PDE4D: variants seen among roughly 807,000 people sequenced by gnomAD.
The protein encoded by PDE4D is 3',5'-cyclic-AMP phosphodiesterase 4D.
A neutral mutation model predicts 87.4 loss-of-function variants in PDE4D; 24 were observed. That is an observed-to-expected ratio of 0.27 (90% CI 0.20 to 0.39). PDE4D has a LOEUF of 0.39. PDE4D is among the 10% of genes least tolerant of loss of function. The probability of loss-of-function intolerance (pLI) is 1.00; values close to 1 mark genes in which losing one functional copy is unlikely to be tolerated. For missense variants in PDE4D, 714 were observed against 1,041.0 expected (o/e 0.69, Z 4.32); for synonymous variants, 384 against 383.2 (o/e 1.00, Z -0.02).
rs552965229 is a variant in PDE4D, at chr5:59,175,148, C to A, written c.808+5447G>T. 4.7e-4 allele frequency among the ~76,000 whole-genome samples: 71 copies of A among 152,298 alleles called. 1 individual carries two copies. The highest frequency in any genetic ancestry group is 6.8e-3 in the Middle Eastern group (2 of 294). ...TGTCCCAGTGCAGGTATGGCTTGGG[C>A]ATCTCTGACTCTTTGCCACCCTCTC... On this transcript the variant is annotated intron_variant, in intron 5 of 14. Coordinates refer to ENST00000340635, the MANE Select transcript of PDE4D (RefSeq NM_001104631.2).
At chr5:60,067,580 T>C (rs933862591) in intron 2 of PDE4D, among the ~76,000 whole-genome samples, 4 of 152,162 alleles carry the variant, frequency 2.6e-5, no homozygotes, top group Non-Finnish European at 5.9e-5. Context: ...AACACAAAAC[T>C]ACTTTCTTAA....
chr5:59,278,179 G>A (rs908533861), intron 1 of PDE4D, among the ~76,000 whole-genome samples: 2 of 152,050 alleles, frequency 1.3e-5, no homozygotes, highest in South Asian at 4.1e-4. Context: ...TTATCCACTT[G>A]TAAGACCATT....
chr5:60,205,731 C>CA (rs34124472), intron 1 of PDE4D, among the ~76,000 whole-genome samples: 78 of 146,440 alleles, frequency 5.3e-4, no homozygotes, highest in East Asian at 1.2e-3. Flanking sequence ...ACTAAAAGTA[C>CA]AAAAAAAAAA....
chr5:59,146,569 A>ATT (rs35653778), intron 5 of PDE4D, among the ~76,000 whole-genome samples: 3,751 of 147,276 alleles, frequency 0.025, 140 homozygotes, highest in African/African-American at 0.077. Context: ...AAGTGGTCTG[A>ATT]TTTTTTTTTT....
intron 2 of PDE4D, among the ~76,000 whole-genome samples, chr5:59,204,115 A>C (rs1475865432): frequency 1.3e-5 from 2 of 152,174 alleles, no homozygotes; most frequent in African/African-American, 4.8e-5. Flanking sequence ...CCTTGTATAT[A>C]ATAAATGCAT....
chr5:60,293,652 A>C (rs1753121682), intron 1 of PDE4D, among the ~76,000 whole-genome samples: 1 of 152,010 alleles, frequency 6.6e-6, no homozygotes, highest in African/African-American at 2.4e-5. Flanking sequence ...TTTCTAACCT[A>C]AGTTTTGTTC....
intron 2 of PDE4D, among the ~76,000 whole-genome samples, chr5:60,099,050 A>G (rs1388273656): frequency 6.6e-6 from 1 of 151,922 alleles, no homozygotes; most frequent in East Asian, 1.9e-4. Flanking sequence ...CTTCATTTCT[A>G]AAGTACAGCT....
intron 2 of PDE4D, among the ~76,000 whole-genome samples, chr5:60,006,151 A>G (rs1451038327): frequency 3.9e-5 from 6 of 151,918 alleles, no homozygotes; most frequent in Non-Finnish European, 7.4e-5. Flanking sequence ...GGAAGGAAAT[A>G]TGGGTAAAGG....
At chr5:59,742,135 C>G (rs1295839550) in intron 1 of PDE4D, among the ~76,000 whole-genome samples, 1 of 152,106 alleles carries the variant, frequency 6.6e-6, no homozygotes, top group Non-Finnish European at 1.5e-5. Flanking sequence ...GCAGTCTCGG[C>G]TCACTGCAAC....
At chr5:60,115,993 T>C (rs1000327361) in intron 2 of PDE4D, among the ~76,000 whole-genome samples, 1 of 152,108 alleles carries the variant, frequency 6.6e-6, no homozygotes, top group African/African-American at 2.4e-5. Context: ...AAGATTTAAG[T>C]TGGAGGTTAT....
At chr5:60,025,317 T>C (rs1442234599) in intron 2 of PDE4D, among the ~76,000 whole-genome samples, 2 of 152,124 alleles carry the variant, frequency 1.3e-5, no homozygotes, top group Non-Finnish European at 2.9e-5. Flanking sequence ...TTGGAAGCAA[T>C]AGTTTGAATC....
chr5:60,152,678 T>G (rs1311314994), intron 2 of PDE4D, among the ~76,000 whole-genome samples: 2 of 151,610 alleles, frequency 1.3e-5, no homozygotes, highest in East Asian at 1.9e-4. Flanking sequence ...AAGAAAAAAT[T>G]TTTACCAATG....
intron 1 of PDE4D, among the ~76,000 whole-genome samples, chr5:59,499,849 T>TA (rs1338909561): frequency 7.1e-6 from 1 of 141,304 alleles, no homozygotes; most frequent in Non-Finnish European, 1.5e-5. Flanking sequence ...GACATACAAA[T>TA]AAGAGCTGAT....
intron 1 of PDE4D, among the ~76,000 whole-genome samples, chr5:59,555,636 C>T (rs760851478): frequency 2.6e-5 from 4 of 152,224 alleles, no homozygotes; most frequent in South Asian, 2.1e-4. Context: ...CTCCTTACCC[C>T]GATCTCCAAC....
chr5:60,459,729 G>A (rs1746775903), intron 1 of PDE4D: 1 of 354,014 alleles, frequency 2.8e-6, no homozygotes, highest in African/African-American at 2.1e-5. Flanking sequence ...ATGGTGTAGA[G>A]CAAAGAGACC....
intron 1 of PDE4D, among the ~76,000 whole-genome samples, chr5:60,464,633 A>G (rs1023728668): frequency 1.3e-5 from 2 of 152,156 alleles, no homozygotes; most frequent in Admixed American, 6.5e-5. Context: ...GATCTCAGGG[A>G]TGGGGCCATT....
At chr5:59,702,869 CAAAAAAA>C (rs71604798) in intron 1 of PDE4D, among the ~76,000 whole-genome samples, 6 of 69,818 alleles carry the variant, frequency 8.6e-5, no homozygotes, top group African/African-American at 2.4e-4. Flanking sequence ...GACCCTGTCT[CAAAAAAA>C]AAAAAAAAAA....
At position 60,414,245 on chromosome 5, in the gene PDE4D, T is replaced by C. The variant is rs553693221; in HGVS notation, c.-90+73697A>G. 1.1e-4 allele frequency among the ~76,000 whole-genome samples: 16 copies of C among 152,340 alleles called. No individual in the cohort carries two copies. The East Asian group carries it at 3.1e-3, about 29-fold the overall frequency. ...CTGCCATATTATCCATACATTGTTT[T>C]TATATTCTTTAGGTAGTTTTTATGT... On this transcript the variant is annotated intron_variant, in intron 1 of 16. Transcript: ENST00000502484.
At chr5:59,739,335 G>A (rs573982916) in intron 1 of PDE4D, among the ~76,000 whole-genome samples, 4 of 152,046 alleles carry the variant, frequency 2.6e-5, no homozygotes, top group South Asian at 2.1e-4. Flanking sequence ...TGAGAGGATC[G>A]CTTGAACCCA....
Sources: allele counts gnomAD v4.1 joint callset (sites outside exome capture counted in the v4.1 genomes callset), GRCh38; gene constraint gnomAD v4.1.1; transcripts MANE v1.5; gene names NCBI Gene and HGNC (gene_info 2026-07-23, HGNC 2026-07-21).